PTPRT: variants seen among roughly 807,000 people sequenced by gnomAD.
PTPRT encodes protein tyrosine phosphatase receptor type T.
In PTPRT, 56 loss-of-function variants were observed where a neutral mutation model predicts 176.8. The ratio of observed to expected loss-of-function variants is 0.32; its 90% CI spans 0.26 to 0.40. PTPRT has a LOEUF of 0.40. Among genes scored for constraint, PTPRT ranks in the 10% least tolerant of loss-of-function variants. The pLI is 1.00. For missense variants in PTPRT, 1,540 were observed against 1,908.2 expected (o/e 0.81, Z 3.60); for synonymous variants, 783 against 739.0 (o/e 1.06, Z -0.96).
intron 6 of PTPRT, 128 bp from the exon 7 acceptor site, chr20:42,678,287 GTTTTA>G (rs2075544302): frequency 7.0e-6 from 6 of 855,008 alleles, no homozygotes; most frequent in East Asian, 5.6e-5. Flanking sequence ...ACCCCTTTTT[GTTTTA>G]TTTTATTATT....
At chr20:42,524,802 T>TC (rs1568949338) in intron 7 of PTPRT, among the ~76,000 whole-genome samples, 1 of 151,956 alleles carries the variant, frequency 6.6e-6, no homozygotes, top group South Asian at 2.1e-4. Context: ...TTCCTTTTTT[T>TC]TCTCTCTCTC....
At chr20:42,679,378 T>C (rs1298411992) in intron 6 of PTPRT, among the ~76,000 whole-genome samples, 2 of 151,962 alleles carry the variant, frequency 1.3e-5, no homozygotes, top group Non-Finnish European at 2.9e-5. Context: ...ATAAAACTTA[T>C]ATCCGCATGC....
intron 2 of PTPRT, among the ~76,000 whole-genome samples, chr20:42,867,390 A>ATTTTT (rs761289845): frequency 6.8e-5 from 7 of 102,194 alleles, no homozygotes; most frequent in African/African-American, 2.1e-4. Context: ...AAGAACACAG[A>ATTTTT]TTTTTTTTTT....
chr20:42,411,458 A>C (rs1313398917), intron 9 of PTPRT, among the ~76,000 whole-genome samples: 2 of 141,674 alleles, frequency 1.4e-5, no homozygotes, highest in Admixed American at 1.5e-4. Context: ...CAGAGGTTGT[A>C]GTGAGCCGAG....
At chr20:42,142,884 A>G (rs570754090) in intron 17 of PTPRT, among the ~76,000 whole-genome samples, 20 of 152,316 alleles carry the variant, frequency 1.3e-4, no homozygotes, top group African/African-American at 3.8e-4. Flanking sequence ...AGATACTATA[A>G]TTCCTTCATG....
intron 2 of PTPRT, among the ~76,000 whole-genome samples, chr20:42,851,090 T>C (rs1347457258): frequency 6.6e-6 from 1 of 152,208 alleles, no homozygotes; most frequent in African/African-American, 2.4e-5. Flanking sequence ...CTCCACTGTT[T>C]CAAACATCCA....
intron 1 of PTPRT, among the ~76,000 whole-genome samples, chr20:42,920,423 T>G (rs1458414898): frequency 6.6e-6 from 1 of 151,526 alleles, no homozygotes; most frequent in Non-Finnish European, 1.5e-5. Context: ...GGGAGGGTGA[T>G]AAAAAGCAAA....
At chr20:42,651,099 C>T (rs2075021876) in intron 7 of PTPRT, among the ~76,000 whole-genome samples, 1 of 151,844 alleles carries the variant, frequency 6.6e-6, no homozygotes, top group South Asian at 2.1e-4. Flanking sequence ...TGAATGGTGT[C>T]AGATTATAAA....
intron 9 of PTPRT, 44 bp downstream of exon 9, chr20:42,448,176 G>T: frequency 6.9e-7 from 1 of 1,457,020 alleles, no homozygotes; most frequent in Non-Finnish European, 9.6e-7. Flanking sequence ...GAAGTGACTT[G>T]AATAAAGCTA....
chr20:42,645,623 G>A (rs1196183478), intron 7 of PTPRT, among the ~76,000 whole-genome samples: 1 of 152,080 alleles, frequency 6.6e-6, no homozygotes, highest in Non-Finnish European at 1.5e-5. Context: ...ATACCACGGA[G>A]AGTCAGAGTA....
intron 1 of PTPRT, among the ~76,000 whole-genome samples, chr20:43,053,018 G>T (rs1313281181): frequency 6.6e-6 from 1 of 151,834 alleles, no homozygotes; most frequent in Non-Finnish European, 1.5e-5. Context: ...GGCAAAGGTG[G>T]ATATGGCATA....
At chr20:42,107,218 TTTCTC>T (rs1986541227) in intron 23 of PTPRT, among the ~76,000 whole-genome samples, 2 of 144,960 alleles carry the variant, frequency 1.4e-5, no homozygotes, top group East Asian at 4.0e-4. Flanking sequence ...CTACCCTTCT[TTTCTC>T]TTCTTTTTTC....
intron 6 of PTPRT, among the ~76,000 whole-genome samples, chr20:42,683,202 C>A (rs182622040): frequency 6.6e-6 from 1 of 152,324 alleles, no homozygotes; most frequent in Admixed American, 6.5e-5. Flanking sequence ...CACGGTTGTG[C>A]CATTCTCATT....
intron 7 of PTPRT, among the ~76,000 whole-genome samples, chr20:42,640,511 C>T (rs1381917371): frequency 5.3e-5 from 8 of 152,006 alleles, no homozygotes; most frequent in South Asian, 2.1e-4. Flanking sequence ...GCCTCAGGTT[C>T]CCGAGTAGCT....
chr20:42,256,407 A>G (rs1373596512), intron 13 of PTPRT, among the ~76,000 whole-genome samples: 1 of 152,148 alleles, frequency 6.6e-6, no homozygotes, highest in Non-Finnish European at 1.5e-5. Flanking sequence ...ATCATGAACT[A>G]CTTTGGCAGT....
chr20:42,614,523 C>T (rs1399463421), intron 7 of PTPRT, among the ~76,000 whole-genome samples: 2 of 149,762 alleles, frequency 1.3e-5, no homozygotes, highest in East Asian at 3.9e-4. Flanking sequence ...GTCAGCCGAG[C>T]TAACACTCCT....
intron 12 of PTPRT, among the ~76,000 whole-genome samples, chr20:42,287,986 TTAAA>T (rs1170831729): frequency 2.6e-5 from 4 of 151,914 alleles, no homozygotes; most frequent in African/African-American, 9.7e-5. Flanking sequence ...TAAGAGAATA[TTAAA>T]TAAATAAAGC....
chr20:43,138,033 G>C (rs184998465), intron 1 of PTPRT, among the ~76,000 whole-genome samples: 6 of 152,126 alleles, frequency 3.9e-5, no homozygotes, highest in Admixed American at 1.3e-4. Context: ...TTCTCAGCCC[G>C]TGGCTCCTCA....
At position 42,076,135 on chromosome 20, in the gene PTPRT, C is replaced by T. The variant is rs1982744475; in HGVS notation, c.*4744G>A. 1 of 203,594 alleles carries T rather than the reference C, an allele frequency of 4.9e-6. No homozygotes were observed. 12.6% of individuals were successfully genotyped at this position (203,594 alleles called of 1,614,324 possible). On this transcript the variant is annotated 3_prime_UTR_variant, in exon 31 of 31. Coordinates refer to ENST00000373187, the MANE Select transcript of PTPRT (RefSeq NM_007050.6). ...ACTAAAGACTGAGCTCTGTCCACCA[C>T]AACCCCATGCCTTACCCAGGAATTA... is the stretch of plus-strand genomic sequence containing the variant.
Sources: allele counts gnomAD v4.1 joint callset (sites outside exome capture counted in the v4.1 genomes callset), GRCh38; gene constraint gnomAD v4.1.1; transcripts MANE v1.5; gene names NCBI Gene and HGNC (gene_info 2026-07-23, HGNC 2026-07-21).